RIMS1: variants seen among roughly 807,000 people sequenced by gnomAD.
RIMS1 encodes regulating synaptic membrane exocytosis protein 1.
A neutral mutation model predicts 214.1 loss-of-function variants in RIMS1; 83 were observed. That is an observed-to-expected ratio of 0.39 (90% CI 0.32 to 0.47). The LOEUF is 0.47. RIMS1 is among the 20% of genes least tolerant of loss of function. RIMS1 has a pLI of 0.99. For synonymous variants in RIMS1, 793 were observed against 786.8 expected (o/e 1.01, Z -0.13); for missense variants, 2,050 against 2,161.8 (o/e 0.95, Z 1.03).
chr6:72,008,063 T>C (rs948010390), intron 2 of RIMS1, among the ~76,000 whole-genome samples: 7 of 152,076 alleles, frequency 4.6e-5, no homozygotes, highest in East Asian at 1.9e-4. Context: ...ATGTTAAGGG[T>C]TGCCAGAGAG....
chr6:72,355,959 T>C (rs886641130), intron 29 of RIMS1, among the ~76,000 whole-genome samples: 6 of 152,218 alleles, frequency 3.9e-5, no homozygotes, highest in African/African-American at 1.4e-4. Context: ...TAGATACTTA[T>C]TTGGCTTAGA....
chr6:72,079,421 A>G (rs889364796), intron 2 of RIMS1, among the ~76,000 whole-genome samples: 1 of 152,152 alleles, frequency 6.6e-6, no homozygotes, highest in African/African-American at 2.4e-5. Context: ...TCAAATAAAT[A>G]TGGATTTTTT....
chr6:72,279,390 C>T (rs763274806), intron 23 of RIMS1, among the ~76,000 whole-genome samples: 14 of 151,836 alleles, frequency 9.2e-5, no homozygotes, highest in Non-Finnish European at 2.1e-4. Context: ...TGCTTTTATA[C>T]CTTACAGTTG....
At chr6:72,015,678 G>C (rs376663115) in intron 2 of RIMS1, among the ~76,000 whole-genome samples, 1 of 152,114 alleles carries the variant, frequency 6.6e-6, no homozygotes, top group Non-Finnish European at 1.5e-5. Context: ...TGTAATCCCA[G>C]CACTTTGGGA....
intron 1 of RIMS1, among the ~76,000 whole-genome samples, 170 bp downstream of exon 1, chr6:71,887,357 G>A (rs958646638): frequency 6.6e-6 from 1 of 152,182 alleles, no homozygotes; most frequent in African/African-American, 2.4e-5. Flanking sequence ...CAGGGAAGAG[G>A]TCAGGGGACC....
chr6:71,968,629 T>C (rs1795059979), intron 1 of RIMS1, among the ~76,000 whole-genome samples: 1 of 152,212 alleles, frequency 6.6e-6, no homozygotes, highest in Admixed American at 6.5e-5. Context: ...ATTTAACATA[T>C]CAACGCAACA....
At chr6:72,138,028 G>A (rs939652640) in intron 4 of RIMS1, among the ~76,000 whole-genome samples, 2 of 152,020 alleles carry the variant, frequency 1.3e-5, no homozygotes, top group Admixed American at 6.6e-5. Context: ...GAGCCACCGC[G>A]CCCGGCAAAG....
intron 4 of RIMS1, among the ~76,000 whole-genome samples, chr6:72,110,748 G>C (rs2035907004): frequency 6.6e-6 from 1 of 151,986 alleles, no homozygotes; most frequent in Admixed American, 6.6e-5. Flanking sequence ...TGTTGAATAG[G>C]AGTGGTGAGA....
chr6:72,256,361 AT>A (rs1485841917), intron 16 of RIMS1, among the ~76,000 whole-genome samples: 1 of 152,162 alleles, frequency 6.6e-6, no homozygotes, highest in Non-Finnish European at 1.5e-5. Context: ...AGTTGTTAAT[AT>A]GTTAAAAGTT....
chr6:72,390,680 G>A lies in RIMS1; in HGVS notation c.4449G>A (p.Arg1483=). 6.2e-7 allele frequency: 1 copy of A among 1,613,936 alleles called. No homozygotes were observed. The highest frequency in any genetic ancestry group is 8.5e-7 in the Non-Finnish European group (1 of 1,179,838). The change falls in exon 30 of 34, where the codon AGG becomes AGA. Residue 1483 remains arginine, a synonymous_variant. Coordinates refer to ENST00000521978, the MANE Select transcript of RIMS1 (RefSeq NM_014989.7). ...CAGCTGAAATGAGAAAGATGGTAAG[G>A]CAGCCGAGCCGAGAGTCTACTGATG... ...GMAAEMRKMV[R]QPSRESTDGS... is the part of the protein sequence containing the mutation.
chr6:71,897,121 C>T (rs903754827), intron 1 of RIMS1, among the ~76,000 whole-genome samples: 2 of 152,166 alleles, frequency 1.3e-5, no homozygotes, highest in Non-Finnish European at 2.9e-5. Context: ...ACTGCAACTC[C>T]TCACTTCACC....
At chr6:72,151,191 C>T (rs977153513) in intron 4 of RIMS1, among the ~76,000 whole-genome samples, 41 of 152,190 alleles carry the variant, frequency 2.7e-4, no homozygotes, top group African/African-American at 8.2e-4. Context: ...TACAGGCTCC[C>T]GCCACCATGC....
chr6:72,216,742 G>T, intron 6 of RIMS1: 2 of 986,180 alleles, frequency 2.0e-6, no homozygotes, highest in Non-Finnish European at 2.4e-6. Flanking sequence ...CTGAACATTT[G>T]CCTGAGTCTT....
At chr6:72,074,872 G>A (rs548494388) in intron 2 of RIMS1, among the ~76,000 whole-genome samples, 37 of 152,216 alleles carry the variant, frequency 2.4e-4, no homozygotes, top group African/African-American at 8.2e-4. Flanking sequence ...CAGTGAATTC[G>A]TAGACATGAA....
chr6:71,977,392 C>A (rs1797419192), intron 2 of RIMS1, among the ~76,000 whole-genome samples: 1 of 152,154 alleles, frequency 6.6e-6, no homozygotes, highest in Non-Finnish European at 1.5e-5. Flanking sequence ...TATTTATTCT[C>A]TCTTCAACAA....
At chr6:72,178,438 T>C (rs2048005021) in intron 4 of RIMS1, among the ~76,000 whole-genome samples, 1 of 152,240 alleles carries the variant, frequency 6.6e-6, no homozygotes, top group Non-Finnish European at 1.5e-5. Flanking sequence ...CTATTACTTA[T>C]CAGTTAATGT....
intron 1 of RIMS1, among the ~76,000 whole-genome samples, chr6:71,910,463 G>A (rs1305269549): frequency 6.6e-6 from 1 of 152,078 alleles, no homozygotes; most frequent in Non-Finnish European, 1.5e-5. Context: ...GGTATACAAT[G>A]TCCCGTCCAT....
rs73532470 is a variant in RIMS1, at chr6:72,199,385, A to G, written c.1678+16236A>G. Among the ~76,000 whole-genome samples, 1,521 of 152,218 alleles carry G rather than the reference A, an allele frequency of 1.0e-2. 22 individuals are homozygous for G. Among genetic ancestry groups the G allele is most frequent in the African/African-American group, 0.034 (1,431 of 41,548 alleles). On this transcript the variant is annotated intron_variant, in intron 6 of 33. Coordinates refer to ENST00000521978, the MANE Select transcript of RIMS1 (RefSeq NM_014989.7). Reference sequence around the variant, plus strand: ...GTGCATCTATAGAAAAGGAAATTTAACCCTTGCACATTATTGCCATTTTCT... The same window carrying G: ...GTGCATCTATAGAAAAGGAAATTTAGCCCTTGCACATTATTGCCATTTTCT...
At position 72,111,712 on chromosome 6, in the gene RIMS1, C is replaced by T. The variant is rs536254096; in HGVS notation, c.471+11726C>T. ...CTTGAAAAGTCTATGAAAGATGCAA[C>T]GAGTAGGATGCCAGGCAGCAGGGAG... is the stretch of plus-strand genomic sequence containing the variant. On this transcript the variant is annotated intron_variant, in intron 4 of 33. Transcript: ENST00000521978. Among the ~76,000 whole-genome samples the T allele has an allele frequency of 5.9e-5, 9 of 152,246 alleles. 1 individual carries two copies. In the South Asian group the frequency reaches 6.2e-4, roughly 11 times the overall value.
Sources: gnomAD v4.1 joint callset for allele counts (sites outside exome capture counted in the v4.1 genomes callset) on GRCh38, gnomAD v4.1.1 for gene constraint, MANE v1.5 for transcripts, NCBI Gene and HGNC (gene_info 2026-07-23, HGNC 2026-07-21) for gene names.